Variants in CDKL2 observed in about 807,000 individuals in gnomAD.
CDKL2 encodes the protein cyclin-dependent kinase-like 2.
A neutral mutation model predicts 63.9 loss-of-function variants in CDKL2; 64 were observed. The ratio of observed to expected loss-of-function variants is 1.00; its 90% CI spans 0.82 to 1.23. The LOEUF is 1.23. CDKL2 is among the 50% of genes most tolerant of loss of function. CDKL2 has a pLI of 0.00. For missense variants in CDKL2, 656 were observed against 668.0 expected, an observed-to-expected ratio of 0.98 and a Z score of 0.20; for synonymous variants, 211 against 229.2, an observed-to-expected ratio of 0.92 and a Z score of 0.72.
chr4:75,628,763 C>A (rs1420299925), intron 1 of CDKL2, among the ~76,000 whole-genome samples: 3 of 152,156 alleles, frequency 2.0e-5, no homozygotes, highest in Non-Finnish European at 4.4e-5. Context: ...AACAAATATT[C>A]TCTTTGTTCT....
chr4:75,579,782 G>A (rs1039343148), intron 13 of CDKL2, among the ~76,000 whole-genome samples: 1 of 152,208 alleles, frequency 6.6e-6, no homozygotes, highest in African/African-American at 2.4e-5. Flanking sequence ...AGTTTACACG[G>A]TTTGTATGAA....
At chr4:75,625,768 C>T in intron 2 of CDKL2, 53 bp downstream of exon 2, 2 of 1,371,384 alleles carry the variant, frequency 1.5e-6, no homozygotes, top group Non-Finnish European at 2.0e-6. Context: ...TTCTTATTGC[C>T]AAAAAAGAAA....
chr4:75,580,769 C>T (rs866094879), intron 13 of CDKL2, among the ~76,000 whole-genome samples: 5 of 146,676 alleles, frequency 3.4e-5, no homozygotes, highest in East Asian at 2.0e-4. Context: ...GGCGCGATCT[C>T]GGCTCACTGC....
intron 2 of CDKL2, among the ~76,000 whole-genome samples, chr4:75,620,625 C>T (rs1447009185): frequency 6.6e-6 from 1 of 152,146 alleles, no homozygotes; most frequent in Non-Finnish European, 1.5e-5. Flanking sequence ...GCTAGGAAGA[C>T]AGAAACCCAG....
intron 2 of CDKL2, among the ~76,000 whole-genome samples, chr4:75,623,484 T>C (rs568134376): frequency 1.3e-5 from 2 of 152,334 alleles, no homozygotes; most frequent in African/African-American, 2.4e-5. Context: ...GTCATAAGAT[T>C]TGACTGTGTC....
At chr4:75,594,964 A>G (rs568342841) in intron 10 of CDKL2, among the ~76,000 whole-genome samples, 146 of 152,270 alleles carry the variant, frequency 9.6e-4, no homozygotes, top group Middle Eastern at 3.4e-3. Flanking sequence ...GAAGTTTAGC[A>G]GAAGAATGAT....
intron 10 of CDKL2, chr4:75,595,974 AAAGAAGGAAGGAAGGAAG>A (rs1560577565): frequency 2.4e-5 from 3 of 125,904 alleles, no homozygotes; most frequent in African/African-American, 1.4e-4. Context: ...GGAAGGAAGG[AAAGAAGGAAGGAAGGAAG>A]GAAGGAAGGA....
intron 1 of CDKL2, among the ~76,000 whole-genome samples, chr4:75,627,181 T>G (rs1578359525): frequency 6.6e-6 from 1 of 150,514 alleles, no homozygotes; most frequent in Non-Finnish European, 1.5e-5. Context: ...CCAGCCTGGG[T>G]GACAGAGTGA....
intron 2 of CDKL2, among the ~76,000 whole-genome samples, chr4:75,624,864 A>C (rs984151647): frequency 3.3e-5 from 5 of 152,188 alleles, no homozygotes; most frequent in African/African-American, 1.2e-4. Flanking sequence ...CTCAAAAAAA[A>C]CCAACGAAAC....
chr4:75,611,606 T>G (rs1729696841), intron 3 of CDKL2, among the ~76,000 whole-genome samples: 1 of 151,836 alleles, frequency 6.6e-6, no homozygotes, highest in African/African-American at 2.4e-5. Context: ...ACATTTTCTA[T>G]AGTTTAAAGA....
chr4:75,613,887 T>C lies in CDKL2; in HGVS notation c.363+368A>G, dbSNP rs1248478796. Among the ~76,000 whole-genome samples, 2 of 152,078 alleles carry C rather than the reference T, an allele frequency of 1.3e-5. 1 individual carries two copies. The highest frequency in any genetic ancestry group is 1.3e-4 in the Admixed American group (2 of 15,262). ...GCCTGGCCAACATGGTGAAACCCCA[T>C]CTCTACTAAGAATACAAAAATTAGC... On this transcript the variant is annotated intron_variant, in intron 3 of 13. Transcript: ENST00000307465.
chr4:75,605,580 T>A lies in CDKL2; in HGVS notation c.597A>T (p.Glu199Asp). The change falls in exon 5 of 14, where the codon GAA (glutamate) becomes GAT (aspartate). Residue 199 changes from glutamate to aspartate, a missense_variant. By Grantham distance (45) the Glu-to-Asp change is conservative (BLOSUM62 2). Transcript: ENST00000307465. Reference sequence around the variant, plus strand: ...TATCAGAATCTCCAGGAAATAGGGGTTCCCCCATGAACATTTCAGTTACCA... The same window carrying A: ...TATCAGAATCTCCAGGAAATAGGGGATCCCCCATGAACATTTCAGTTACCA... ...GCLVTEMFMG[E>D]PLFPGDSDID... The A allele has an allele frequency of 3.1e-6, 5 of 1,613,484 alleles. No homozygotes were observed. Among genetic ancestry groups the A allele is most frequent in the Non-Finnish European group, 3.4e-6 (4 of 1,179,626 alleles).
chr4:75,598,269 T>C (rs748601928), intron 7 of CDKL2, 57 bp from the exon 8 acceptor site: 3 of 998,866 alleles, frequency 3.0e-6, no homozygotes, highest in Non-Finnish European at 4.2e-6. Flanking sequence ...TACAAAAAAA[T>C]TGACTTTCAA....
chr4:75,626,002 C>T lies in CDKL2; in HGVS notation c.-14G>A, dbSNP rs763331829. 6.2e-7 allele frequency: 1 copy of T among 1,602,786 alleles called. No individual in the cohort carries two copies. Among genetic ancestry groups the T allele is most frequent in the Non-Finnish European group, 8.5e-7 (1 of 1,177,546 alleles). On this transcript the variant is annotated 5_prime_UTR_variant, in exon 2 of 14. Transcript: ENST00000307465. ...ATATTTTTCCATTTTAATTTAAAGTCCGTAGAAACTTTTTGCTGTGAAAAC... is the reference window on the plus strand; with the variant it reads ...ATATTTTTCCATTTTAATTTAAAGTTCGTAGAAACTTTTTGCTGTGAAAAC...
rs569652141 is a variant in CDKL2 at position 75,580,424 on chromosome 4, G to A, written c.*24-1246C>T. Among the ~76,000 whole-genome samples the A allele has an allele frequency of 2.0e-5, 3 of 152,174 alleles. No homozygotes were observed. In the East Asian group the frequency reaches 5.9e-4, roughly 30 times the overall value. On this transcript the variant is annotated intron_variant, in intron 13 of 13. Transcript: ENST00000307465. ...CTCACACCTCTAATTCCAGCACTTAGGGAGGCCAAGACGGGCAGATCATTT... is the reference window on the plus strand; with the variant it reads ...CTCACACCTCTAATTCCAGCACTTAAGGAGGCCAAGACGGGCAGATCATTT...
chr4:75,609,305 C>T (rs1177130300), intron 3 of CDKL2, among the ~76,000 whole-genome samples: 1 of 151,916 alleles, frequency 6.6e-6, no homozygotes, highest in Non-Finnish European at 1.5e-5. Context: ...TGCTGATATT[C>T]AGATAATATT....
At chr4:75,607,601 T>G (rs1376791752) in intron 3 of CDKL2, among the ~76,000 whole-genome samples, 1 of 152,146 alleles carries the variant, frequency 6.6e-6, no homozygotes, top group African/African-American at 2.4e-5. Flanking sequence ...CTAAATCAAC[T>G]GTTCAGTTAA....
chr4:75,584,860 T>A (rs1165050973), intron 12 of CDKL2, among the ~76,000 whole-genome samples: 1 of 152,168 alleles, frequency 6.6e-6, no homozygotes, highest in East Asian at 1.9e-4. Context: ...AACTTTCCAC[T>A]AACATTTTCA....
At chr4:75,612,781 A>G (rs542634439) in intron 3 of CDKL2, among the ~76,000 whole-genome samples, 2 of 152,362 alleles carry the variant, frequency 1.3e-5, no homozygotes, top group African/African-American at 4.8e-5. Context: ...AGTTTGGTCA[A>G]TATGAGTCTG....
Sources: gnomAD v4.1 joint callset for allele counts (sites outside exome capture counted in the v4.1 genomes callset) on GRCh38, gnomAD v4.1.1 for gene constraint, MANE v1.5 for transcripts, NCBI Gene and HGNC (gene_info 2026-07-23, HGNC 2026-07-21) for gene names.